Variants in NFIA observed in about 807,000 individuals in gnomAD.
NFIA encodes the protein nuclear factor 1 A-type.
A neutral mutation model predicts 62.8 loss-of-function variants in NFIA; 8 were observed. That is an observed-to-expected ratio of 0.13 (90% CI 0.07 to 0.23). The LOEUF (loss-of-function observed/expected upper bound fraction) is 0.23. Among genes scored for constraint, NFIA ranks in the 10% least tolerant of loss-of-function variants. The pLI is 1.00. For synonymous variants in NFIA, 235 were observed against 238.1 expected (o/e 0.99, Z 0.12); for missense variants, 410 against 642.1 (o/e 0.64, Z 3.91).
intron 3 of NFIA, among the ~76,000 whole-genome samples, chr1:61,312,234 A>T (rs1275586037): frequency 6.6e-6 from 1 of 152,252 alleles, no homozygotes; most frequent in Non-Finnish European, 1.5e-5. Flanking sequence ...AGTAGAGTTC[A>T]TGGAGGTAAA....
chr1:61,216,330 A>G (rs117393378), intron 2 of NFIA, among the ~76,000 whole-genome samples: 1,722 of 152,126 alleles, frequency 0.011, 33 homozygotes, highest in South Asian at 0.074. Flanking sequence ...GTGGGTTTCA[A>G]TTTTTATCTG....
intron 6 of NFIA, among the ~76,000 whole-genome samples, chr1:61,373,451 T>C (rs181180148): frequency 1.7e-3 from 252 of 152,290 alleles, no homozygotes; most frequent in African/African-American, 5.8e-3. Flanking sequence ...CTGGGTTCTC[T>C]GCTTGTATCC....
Position 61,088,131 on chromosome 1 carries a change from TTTTG to T in NFIA, c.28-15_28-12del. 6.4e-7 allele frequency: 1 copy of T among 1,566,520 alleles called. No homozygotes were observed. Among genetic ancestry groups the T allele is most frequent in the South Asian group, 1.2e-5 (1 of 83,584 alleles). ...GTTTTCATTCTACTTATATTTTTCT[TTTTG>T]TTCATTTTCCTAGGATGAATTTCAT... is the stretch of plus-strand genomic sequence containing the variant. On this transcript the variant is annotated splice_polypyrimidine_tract_variant and intron_variant, in intron 1 of 10. Coordinates refer to ENST00000403491, the MANE Select transcript of NFIA (RefSeq NM_001134673.4). This position sits in a 1 kb window ranked among gnomAD's most constrained non-coding sequence, Gnocchi z 4.5.
At chr1:61,195,117 A>G (rs1269543208) in intron 2 of NFIA, among the ~76,000 whole-genome samples, 2 of 152,158 alleles carry the variant, frequency 1.3e-5, no homozygotes, top group African/African-American at 2.4e-5. Context: ...CCAGGAATCT[A>G]TACTGAAATA....
chr1:61,095,068 A>T (rs1304893917), intron 2 of NFIA, among the ~76,000 whole-genome samples: 1 of 152,240 alleles, frequency 6.6e-6, no homozygotes, highest in African/African-American at 2.4e-5. Flanking sequence ...ACAAGAAATG[A>T]TGAGGATAAT....
chr1:61,299,848 A>G (rs1570538940), intron 3 of NFIA, among the ~76,000 whole-genome samples: 1 of 152,334 alleles, frequency 6.6e-6, no homozygotes, highest in East Asian at 1.9e-4. Flanking sequence ...AGTAACAAAC[A>G]GGCCAATACC....
chr1:61,262,412 C>G lies in NFIA; in HGVS notation c.560-15108C>G, dbSNP rs575927545. 7.9e-5 allele frequency among the ~76,000 whole-genome samples: 12 copies of G among 152,274 alleles called. No homozygotes were observed. In the East Asian group the frequency reaches 1.5e-3, roughly 20 times the overall value. Reference sequence around the variant, plus strand: ...TTTGCCTAACGTTTTTAATGAAAGTCCTTATAAATATGTTTGTTTAAAGTC... The same window carrying G: ...TTTGCCTAACGTTTTTAATGAAAGTGCTTATAAATATGTTTGTTTAAAGTC... On this transcript the variant is annotated intron_variant, in intron 2 of 10. Transcript: ENST00000403491.
In NFIA at chr1:61,458,867, G is replaced by T. The variant is rs543904601; in HGVS notation, c.*3547G>T. ...TAAGTTTGATGAAGCTAAAATTAGG[G>T]AACTCTGAACAGATTTGCAGGAAAA... On this transcript the variant is annotated 3_prime_UTR_variant, in exon 11 of 11. Transcript: ENST00000403491. 1 of 152,148 alleles carries T rather than the reference G, an allele frequency of 6.6e-6. No individual in the cohort carries two copies. The highest frequency in any genetic ancestry group is 2.4e-5 in the African/African-American group (1 of 41,512). 9.4% of individuals were successfully genotyped at this position (152,148 alleles called of 1,614,324 possible).
Position 61,088,451 on chromosome 1 carries a change from G to A in NFIA, c.330G>A (p.Gln110=). The change falls in exon 2 of 11, where the codon CAG becomes CAA. Residue 110 remains glutamine (Q), a synonymous_variant. Transcript: ENST00000403491. The surrounding 1 kb of genome is among the most constrained non-coding windows in gnomAD (Gnocchi z 4.5). Reference sequence around the variant, plus strand: ...GTTGTGTTCTTTCCAACCCAGACCAGAAAGGCAAGATGCGAAGAATTGACT... The same window carrying A: ...GTTGTGTTCTTTCCAACCCAGACCAAAAAGGCAAGATGCGAAGAATTGACT... ...PPCCVLSNPD[Q]KGKMRRIDCL... 6.2e-7 allele frequency: 1 copy of A among 1,614,030 alleles called. No homozygotes were observed. Among genetic ancestry groups the A allele is most frequent in the Non-Finnish European group, 8.5e-7 (1 of 1,180,002 alleles).
At chr1:61,138,012 A>T (rs1647239513) in intron 2 of NFIA, among the ~76,000 whole-genome samples, 1 of 149,748 alleles carries the variant, frequency 6.7e-6, no homozygotes, top group Non-Finnish European at 1.5e-5. Flanking sequence ...AAAAGTGATT[A>T]TGGTAACTTT....
intron 2 of NFIA, among the ~76,000 whole-genome samples, chr1:61,209,479 C>T (rs991089550): frequency 2.6e-5 from 4 of 151,968 alleles, no homozygotes; most frequent in African/African-American, 7.3e-5. Flanking sequence ...CAGATAGGCC[C>T]AAAATAAACA....
At chr1:61,213,952 A>T (rs918246241) in intron 2 of NFIA, among the ~76,000 whole-genome samples, 1 of 152,206 alleles carries the variant, frequency 6.6e-6, no homozygotes, top group Non-Finnish European at 1.5e-5. Flanking sequence ...CAGGGAAGAT[A>T]CACTCCAGGA....
At chr1:61,139,138 A>G (rs1557592316) in intron 2 of NFIA, among the ~76,000 whole-genome samples, 1 of 152,172 alleles carries the variant, frequency 6.6e-6, no homozygotes, top group African/African-American at 2.4e-5. Context: ...AGATCACGTC[A>G]CTGCACTCCA....
At chr1:61,378,287 G>A (rs1379057905) in intron 6 of NFIA, among the ~76,000 whole-genome samples, 2 of 152,086 alleles carry the variant, frequency 1.3e-5, no homozygotes, top group East Asian at 1.9e-4. Context: ...TTTTGTTATT[G>A]ATGTTTCTCG....
At chr1:61,171,312 C>T (rs988470006) in intron 2 of NFIA, among the ~76,000 whole-genome samples, 7 of 152,102 alleles carry the variant, frequency 4.6e-5, no homozygotes, top group South Asian at 2.1e-4. Flanking sequence ...CCGAGCAAAT[C>T]GAAATGTGAT....
intron 10 of NFIA, among the ~76,000 whole-genome samples, chr1:61,438,993 A>G (rs1324457419): frequency 1.6e-5 from 2 of 123,438 alleles, no homozygotes; most frequent in Non-Finnish European, 3.4e-5. Context: ...CCTAACATGC[A>G]TGCAGACACA....
chr1:61,433,235 T>C (rs1470840726), intron 10 of NFIA, among the ~76,000 whole-genome samples: 2 of 152,224 alleles, frequency 1.3e-5, no homozygotes, highest in African/African-American at 4.8e-5. Flanking sequence ...TGTTAGTTCA[T>C]GTCTCTGTAA....
At chr1:61,077,662 T>G (rs1488460230), upstream of NFIA, 2 of 1,392,770 alleles carry the variant, frequency 1.4e-6, no homozygotes, top group Non-Finnish European at 1.9e-6. Context: ...CTATTTTGCA[T>G]TTATATGATA....
rs764756963 is a variant in NFIA, at chr1:61,457,427, C to T, written c.*2107C>T. 3.3e-5 allele frequency: 5 copies of T among 152,110 alleles called. No individual in the cohort carries two copies. The highest frequency in any genetic ancestry group is 5.9e-5 in the Non-Finnish European group (4 of 68,018). The allele number at this position is 152,110 out of a possible 1,614,324, so 9.4% of individuals were successfully genotyped here. A position where few individuals can be genotyped will look rare whatever the true frequency, so the allele number is the denominator to read the frequency against. Reference sequence around the variant, plus strand: ...GAACTAAATAGAAAGCTAGTTGTTCCGCAGATAGGAGTAGTCTTTATTGTC... The same window carrying T: ...GAACTAAATAGAAAGCTAGTTGTTCTGCAGATAGGAGTAGTCTTTATTGTC... On this transcript the variant is annotated 3_prime_UTR_variant, in exon 11 of 11. Transcript: ENST00000403491. This position sits in a 1 kb window ranked among gnomAD's most constrained non-coding sequence, Gnocchi z 4.2.
Sources: allele counts gnomAD v4.1 joint callset (sites outside exome capture counted in the v4.1 genomes callset), GRCh38; gene constraint gnomAD v4.1.1; non-coding constraint Gnocchi (gnomAD v3.1); transcripts MANE v1.5; gene names NCBI Gene and HGNC (gene_info 2026-07-23, HGNC 2026-07-21).